Variants in PCNX2 observed in about 807,000 individuals in gnomAD.
PCNX2 encodes pecanex 2, also known as pecanex-like protein 2.
PCNX2 carries 168 observed loss-of-function variants against 223.8 expected under a neutral mutation model. That is an observed-to-expected ratio of 0.75 (90% CI 0.66 to 0.85). The LOEUF is 0.85. PCNX2 is among the 40% of genes least tolerant of loss of function. The pLI is 0.00. For synonymous variants in PCNX2, 1,006 were observed against 1,052.6 expected (o/e 0.96, Z 0.86); for missense variants, 2,507 against 2,675.5 (o/e 0.94, Z 1.39).
intron 21 of PCNX2, among the ~76,000 whole-genome samples, chr1:233,134,178 C>T (rs1004628820): frequency 3.3e-5 from 5 of 152,194 alleles, no homozygotes; most frequent in East Asian, 1.9e-4. Flanking sequence ...ATTCAACTGC[C>T]GGTGTGAGTG....
At chr1:233,233,768 G>A (rs565554368) in intron 9 of PCNX2, among the ~76,000 whole-genome samples, 2 of 151,772 alleles carry the variant, frequency 1.3e-5, no homozygotes, top group African/African-American at 2.4e-5. Context: ...CTTGTCTTCC[G>A]AGCCTTATCT....
chr1:233,023,616 T>C (rs980573354), intron 26 of PCNX2, among the ~76,000 whole-genome samples: 5 of 152,222 alleles, frequency 3.3e-5, no homozygotes, highest in African/African-American at 9.6e-5. Flanking sequence ...AACTGGTATA[T>C]TGAATTTGCT....
chr1:233,177,691 T>C (rs2102856126), intron 17 of PCNX2, 111 bp downstream of exon 17: 2 of 893,280 alleles, frequency 2.2e-6, no homozygotes, highest in Non-Finnish European at 1.7e-6. Context: ...GAGGTGTATC[T>C]TTCTGTCCTA....
intron 21 of PCNX2, 140 bp from the exon 22 acceptor site, chr1:233,096,003 C>G: frequency 1.6e-6 from 1 of 628,388 alleles, no homozygotes; most frequent in Non-Finnish European, 2.9e-6. Flanking sequence ...GATCTTCCTG[C>G]ATCTCATGTG....
At chr1:233,218,209 C>CGAA in intron 10 of PCNX2, 25 bp from the exon 11 acceptor site, 1 of 272,092 alleles carries the variant, frequency 3.7e-6, no homozygotes, top group South Asian at 7.5e-5. Flanking sequence ...TACATAAAAG[C>CGAA]AAAAAAAAAA....
At chr1:233,077,821 T>A (rs1031927644) in intron 23 of PCNX2, among the ~76,000 whole-genome samples, 2 of 148,902 alleles carry the variant, frequency 1.3e-5, no homozygotes, top group Admixed American at 1.3e-4. Flanking sequence ...ACTTTTCATT[T>A]AAAAAATCAT....
At chr1:233,077,384 C>T (rs994733135) in intron 23 of PCNX2, among the ~76,000 whole-genome samples, 3 of 152,134 alleles carry the variant, frequency 2.0e-5, no homozygotes, top group Admixed American at 6.5e-5. Flanking sequence ...CAACCCTCAC[C>T]GGTGTTTTCC....
chr1:233,109,747 AG>A (rs1272321246), intron 21 of PCNX2, among the ~76,000 whole-genome samples: 1 of 152,250 alleles, frequency 6.6e-6, no homozygotes, highest in Non-Finnish European at 1.5e-5. Flanking sequence ...GAAGAGGAAG[AG>A]GGCAGAACAA....
At chr1:233,173,028 T>C (rs755776337) in intron 17 of PCNX2, among the ~76,000 whole-genome samples, 1 of 152,206 alleles carries the variant, frequency 6.6e-6, no homozygotes, top group Non-Finnish European at 1.5e-5. Context: ...TGAAAATCAA[T>C]TTTTGATTGT....
At chr1:233,323,019 A>C in the PCNX2 span, among the ~76,000 whole-genome samples, 1 of 152,226 alleles carries the variant, frequency 6.6e-6, no homozygotes, top group Non-Finnish European at 1.5e-5. Context: ...CTAGTTGCCC[A>C]AGCTCAAAGC....
At chr1:233,066,727 C>T (rs1672625970) in intron 23 of PCNX2, among the ~76,000 whole-genome samples, 1 of 152,198 alleles carries the variant, frequency 6.6e-6, no homozygotes, top group African/African-American at 2.4e-5. Context: ...GAAGTGGCCT[C>T]CCAAAGAATC....
At chr1:233,012,269 T>C (rs772489683) in intron 28 of PCNX2, among the ~76,000 whole-genome samples, 11 of 152,108 alleles carry the variant, frequency 7.2e-5, no homozygotes, top group Non-Finnish European at 1.6e-4. Context: ...GCAGATTCAA[T>C]AGAAATCCCA....
At chr1:233,002,188 A>G (rs1670113180) in intron 28 of PCNX2, among the ~76,000 whole-genome samples, 1 of 152,026 alleles carries the variant, frequency 6.6e-6, no homozygotes, top group Non-Finnish European at 1.5e-5. Context: ...TTAAATGTCA[A>G]ATGGGTCATT....
intron 9 of PCNX2, chr1:233,231,812 T>A: frequency 3.3e-6 from 1 of 306,164 alleles, no homozygotes; most frequent in South Asian, 1.3e-4. Flanking sequence ...AAGGAGGATG[T>A]GAGCATTGGA....
intron 21 of PCNX2, among the ~76,000 whole-genome samples, chr1:233,121,169 A>C (rs1675767639): frequency 6.6e-6 from 1 of 152,210 alleles, no homozygotes; most frequent in South Asian, 2.1e-4. Flanking sequence ...ATCTGATGAA[A>C]GAAACCAAAG....
At chr1:233,115,043 AAG>A (rs1023155116) in intron 21 of PCNX2, among the ~76,000 whole-genome samples, 2 of 152,128 alleles carry the variant, frequency 1.3e-5, no homozygotes, top group African/African-American at 4.8e-5. Context: ...ACGTGGGAGA[AAG>A]AACTTCCTTC....
At chr1:233,078,999 A>AAG (rs1673225241) in intron 23 of PCNX2, among the ~76,000 whole-genome samples, 1 of 152,198 alleles carries the variant, frequency 6.6e-6, no homozygotes, top group Non-Finnish European at 1.5e-5. Context: ...AACAGCATTC[A>AAG]GACACAAATT....
chr1:233,121,515 A>G (rs1374053896), intron 21 of PCNX2, among the ~76,000 whole-genome samples: 1 of 152,258 alleles, frequency 6.6e-6, no homozygotes, highest in Non-Finnish European at 1.5e-5. Context: ...AAACAGCTCA[A>G]GAAAAAGACC....
intron 1 of PCNX2, among the ~76,000 whole-genome samples, chr1:233,280,255 A>G (rs1211139649): frequency 6.6e-6 from 1 of 150,984 alleles, no homozygotes; most frequent in Non-Finnish European, 1.5e-5. Flanking sequence ...ATCCCTTTGA[A>G]TTCTTGAGAA....
Sources: gnomAD v4.1 joint callset for allele counts (sites outside exome capture counted in the v4.1 genomes callset) on GRCh38, gnomAD v4.1.1 for gene constraint, MANE v1.5 for transcripts, NCBI Gene and HGNC (gene_info 2026-07-23, HGNC 2026-07-21) for gene names.